NBAS: variants seen among roughly 807,000 people sequenced by gnomAD.
NBAS encodes the protein NAG/BC035112 fusion.
A neutral mutation model predicts 302.5 loss-of-function variants in NBAS; 219 were observed. The ratio of observed to expected loss-of-function variants is 0.72; its 90% CI spans 0.65 to 0.81. The LOEUF is 0.81. NBAS is among the 30% of genes least tolerant of loss of function. The pLI is 0.00. For missense variants in NBAS, 2,932 were observed against 2,841.6 expected, an observed-to-expected ratio of 1.03 and a Z score of -0.72; for synonymous variants, 1,118 against 1,021.6, an observed-to-expected ratio of 1.09 and a Z score of -1.80.
the NBAS span, among the ~76,000 whole-genome samples, chr2:15,121,323 C>G: frequency 8.5e-5 from 13 of 152,290 alleles, no homozygotes; most frequent in South Asian, 2.5e-3. Flanking sequence ...TTGCCAGGAC[C>G]AAGAACACTA....
At chr2:15,519,661 T>A (rs1343073902) in intron 9 of NBAS, among the ~76,000 whole-genome samples, 1 of 152,104 alleles carries the variant, frequency 6.6e-6, no homozygotes, top group Non-Finnish European at 1.5e-5. Context: ...CCCAGGCTGG[T>A]CTCAAACTCC....
At position 15,309,245 on chromosome 2, in the gene NBAS, G is replaced by A. The variant is rs868374750; in HGVS notation, c.4585C>T (p.Leu1529Phe). 6.2e-7 allele frequency: 1 copy of A among 1,610,442 alleles called. No homozygotes were observed. ...KGEVFPTTEVLLQLASEALPN... is the reference protein window; with the variant it reads ...KGEVFPTTEVFLQLASEALPN... ...AAGGCTTCACTTGCTAGTTGCAAGA[G>A]AACTGAATGCAGAAAAAGAAACATT... Residue 1529 changes from leucine to phenylalanine, a missense_variant and splice_region_variant, in exon 39 of 52, where the codon CTC (leucine) becomes TTC (phenylalanine). Transcript: ENST00000281513.
intron 48 of NBAS, among the ~76,000 whole-genome samples, chr2:15,199,184 C>T (rs959281979): frequency 1.4e-5 from 2 of 147,362 alleles, no homozygotes; most frequent in Non-Finnish European, 3.0e-5. Flanking sequence ...GAAACAACTA[C>T]GTCATAAATC....
chr2:15,509,595 T>C (rs1394185095), intron 10 of NBAS, among the ~76,000 whole-genome samples: 1 of 152,240 alleles, frequency 6.6e-6, no homozygotes. Flanking sequence ...AGGATTACTA[T>C]TATTGCTAAA....
Position 15,448,389 on chromosome 2 carries a change from G to A in NBAS, c.2339+12812C>T, listed in dbSNP as rs77577594. Among the ~76,000 whole-genome samples the A allele has an allele frequency of 7.9e-5, 12 of 152,154 alleles. No individual in the cohort carries two copies. In the East Asian group the frequency reaches 1.7e-3, roughly 22 times the overall value. ...TAGCAACTGTGCTAGATGATGTATCGCTTACGTTACTTAATCATAAGTACC... is the reference window on the plus strand; with the variant it reads ...TAGCAACTGTGCTAGATGATGTATCACTTACGTTACTTAATCATAAGTACC... On this transcript the variant is annotated intron_variant, in intron 21 of 51. Coordinates refer to ENST00000281513, the MANE Select transcript of NBAS (RefSeq NM_015909.4).
In NBAS at chr2:15,561,171, A is replaced by G; in HGVS notation, c.117+17T>C. The G allele has an allele frequency of 6.2e-7, 1 of 1,609,358 alleles. No homozygotes were observed. ...CCCGCGCCAAGCTGGCTGCTGCTGT[A>G]GATGGGCCTGGTTCACCTGTACTTC... On this transcript the variant is annotated intron_variant, in intron 1 of 51. Coordinates refer to ENST00000281513, the MANE Select transcript of NBAS (RefSeq NM_015909.4).
At chr2:15,416,905 T>A (rs998967066) in intron 24 of NBAS, among the ~76,000 whole-genome samples, 2 of 151,180 alleles carry the variant, frequency 1.3e-5, no homozygotes, top group Non-Finnish European at 2.9e-5. Context: ...AAAGAACCTA[T>A]CATGCAGTTG....
chr2:15,480,669 G>A (rs1202345540), intron 12 of NBAS, among the ~76,000 whole-genome samples: 2 of 152,116 alleles, frequency 1.3e-5, no homozygotes, highest in Non-Finnish European at 2.9e-5. Context: ...AAAGCATAAT[G>A]TGAACAAAAA....
At chr2:14,957,194 G>A in the NBAS span, among the ~76,000 whole-genome samples, 54,935 of 151,816 alleles carry the variant, frequency 0.36, 11,999 homozygotes, top group East Asian at 0.62. Flanking sequence ...CTCCAGAACC[G>A]ACCAAAAGAA....
chr2:15,176,719 A>G (rs1664557249), intron 51 of NBAS, among the ~76,000 whole-genome samples: 1 of 152,096 alleles, frequency 6.6e-6, no homozygotes, highest in Non-Finnish European at 1.5e-5. Flanking sequence ...TTTTCCTTTG[A>G]ATGTCATGTT....
At chr2:14,780,557 C>T in the NBAS span, among the ~76,000 whole-genome samples, 4 of 152,344 alleles carry the variant, frequency 2.6e-5, no homozygotes, top group African/African-American at 9.6e-5. Flanking sequence ...ATCGTTCACT[C>T]TCCTCAATTA....
At chr2:14,892,429 T>C in the NBAS span, among the ~76,000 whole-genome samples, 5,805 of 152,276 alleles carry the variant, frequency 0.038, 139 homozygotes, top group Non-Finnish European at 0.051. Flanking sequence ...CAAGACCACG[T>C]AGGACACCTG....
At chr2:14,785,213 T>A in the NBAS span, among the ~76,000 whole-genome samples, 10 of 152,140 alleles carry the variant, frequency 6.6e-5, no homozygotes, top group African/African-American at 2.2e-4. Context: ...CTTAAGGAGA[T>A]TTTGGGCTGA....
chr2:15,252,748 T>C (rs1157631631), intron 44 of NBAS, among the ~76,000 whole-genome samples: 1 of 152,152 alleles, frequency 6.6e-6, no homozygotes, highest in Non-Finnish European at 1.5e-5. Context: ...CATCTCTCCC[T>C]CCTCCTTTTC....
chr2:15,357,670 G>A (rs576833666), intron 32 of NBAS, among the ~76,000 whole-genome samples: 5 of 152,056 alleles, frequency 3.3e-5, no homozygotes, highest in South Asian at 4.2e-4. Context: ...CAGCACCCAT[G>A]GATCTCAATC....
chr2:15,200,413 T>C (rs1665821995), intron 48 of NBAS, among the ~76,000 whole-genome samples: 2 of 152,034 alleles, frequency 1.3e-5, no homozygotes, highest in South Asian at 4.1e-4. Flanking sequence ...CAAAATAAAC[T>C]ATTTTTTTTT....
At chr2:14,969,482 C>A in the NBAS span, among the ~76,000 whole-genome samples, 1 of 151,954 alleles carries the variant, frequency 6.6e-6, no homozygotes, top group Non-Finnish European at 1.5e-5. Context: ...GTTCAAGCGA[C>A]CCTCCTGCCT....
chr2:15,351,904 A>AC, intron 35 of NBAS, 88 bp downstream of exon 35: 2 of 903,420 alleles, frequency 2.2e-6, no homozygotes, highest in African/African-American at 3.4e-5. Flanking sequence ...ACACACACAC[A>AC]AAACCCCTCT....
chr2:15,056,446 A>G, the NBAS span, among the ~76,000 whole-genome samples: 1 of 152,186 alleles, frequency 6.6e-6, no homozygotes, highest in Non-Finnish European at 1.5e-5. Context: ...TTTGAGACTG[A>G]TTTACAATTG....
Sources: gnomAD v4.1 joint callset for allele counts (sites outside exome capture counted in the v4.1 genomes callset) on GRCh38, gnomAD v4.1.1 for gene constraint, MANE v1.5 for transcripts, NCBI Gene and HGNC (gene_info 2026-07-23, HGNC 2026-07-21) for gene names.